CSMD1: variants seen among roughly 807,000 people sequenced by gnomAD.
The protein encoded by CSMD1 is CUB and Sushi multiple domains 1.
Under a neutral mutation model 417.5 loss-of-function variants are expected in CSMD1, and 213 were observed. That is an observed-to-expected ratio of 0.51 (90% CI 0.46 to 0.57). The LOEUF is 0.57. CSMD1 is among the 20% of genes least tolerant of loss of function. The pLI, the probability that CSMD1 is intolerant of heterozygous loss-of-function variation, is 0.00. For synonymous variants in CSMD1, 2,862 were observed against 1,736.8 expected (o/e 1.65, Z -16.11); for missense variants, 6,923 against 4,529.7 (o/e 1.53, Z -15.17).
At chr8:3,501,670 C>G (rs1796605944) in intron 10 of CSMD1, among the ~76,000 whole-genome samples, 1 of 152,074 alleles carries the variant, frequency 6.6e-6, no homozygotes, top group Admixed American at 6.5e-5. Context: ...AGAAGAAAGG[C>G]CTTTCAAACA....
chr8:3,306,090 C>G (rs540830050), intron 25 of CSMD1, among the ~76,000 whole-genome samples: 38 of 152,038 alleles, frequency 2.5e-4, no homozygotes, highest in African/African-American at 8.2e-4. Context: ...GAGAACCTTT[C>G]TCATGTAGGG....
At chr8:4,633,851 A>C (rs1309314511) in intron 2 of CSMD1, among the ~76,000 whole-genome samples, 1 of 152,110 alleles carries the variant, frequency 6.6e-6, no homozygotes, top group Admixed American at 6.5e-5. Flanking sequence ...ATGAGCCACC[A>C]TGCTTAGCCC....
chr8:3,811,334 A>G (rs2129077176), intron 5 of CSMD1, among the ~76,000 whole-genome samples: 1 of 152,340 alleles, frequency 6.6e-6, no homozygotes, highest in Non-Finnish European at 1.5e-5. Flanking sequence ...TACCTTAATT[A>G]TGGACAATTA....
chr8:4,309,784 G>A (rs983807214), intron 3 of CSMD1, among the ~76,000 whole-genome samples: 1 of 152,006 alleles, frequency 6.6e-6, no homozygotes, highest in Non-Finnish European at 1.5e-5. Flanking sequence ...ATGAAGCATA[G>A]AAACCTCACC....
intron 49 of CSMD1, among the ~76,000 whole-genome samples, chr8:3,063,102 C>T (rs1230990029): frequency 1.3e-5 from 2 of 152,060 alleles, no homozygotes; most frequent in Admixed American, 6.6e-5. Context: ...TAATCAATCT[C>T]GTATCATAAA....
At chr8:4,656,510 C>T (rs1804241569) in intron 1 of CSMD1, among the ~76,000 whole-genome samples, 1 of 151,780 alleles carries the variant, frequency 6.6e-6, no homozygotes, top group South Asian at 2.1e-4. Flanking sequence ...ATCCATCTTG[C>T]AGGGATTCTG....
chr8:3,919,094 C>G (rs934789678), intron 5 of CSMD1, among the ~76,000 whole-genome samples: 15 of 145,686 alleles, frequency 1.0e-4, no homozygotes, highest in Admixed American at 9.3e-4. Context: ...TTTCATTTTG[C>G]AGATTGTTTC....
chr8:4,008,325 A>G (rs1229654814), intron 4 of CSMD1, among the ~76,000 whole-genome samples: 3 of 152,034 alleles, frequency 2.0e-5, no homozygotes, highest in Non-Finnish European at 4.4e-5. Context: ...TAGGTGATCT[A>G]TTAATATAAT....
At chr8:3,286,177 T>G (rs1471230948) in intron 25 of CSMD1, among the ~76,000 whole-genome samples, 4 of 152,204 alleles carry the variant, frequency 2.6e-5, no homozygotes, top group Admixed American at 2.6e-4. Flanking sequence ...TATGGCTGCA[T>G]AGCATTCCAT....
At chr8:4,559,135 C>A (rs1487887844) in intron 2 of CSMD1, among the ~76,000 whole-genome samples, 3 of 152,012 alleles carry the variant, frequency 2.0e-5, no homozygotes, top group Non-Finnish European at 4.4e-5. Flanking sequence ...GCAAATAGGC[C>A]CTTGCTTGGA....
At chr8:3,087,373 G>T in intron 48 of CSMD1, 88 bp from the exon 49 acceptor site, 1 of 1,330,166 alleles carries the variant, frequency 7.5e-7, no homozygotes, top group East Asian at 2.3e-5. Context: ...ATAAATGAAT[G>T]GCTTCTCATT....
chr8:3,515,081 A>G (rs537029953), intron 10 of CSMD1, among the ~76,000 whole-genome samples: 1 of 152,340 alleles, frequency 6.6e-6, no homozygotes, highest in South Asian at 2.1e-4. Context: ...TAATACAGTT[A>G]ATGAACATTT....
intron 2 of CSMD1, among the ~76,000 whole-genome samples, chr8:4,427,394 T>A (rs918886974): frequency 6.6e-6 from 1 of 151,944 alleles, no homozygotes; most frequent in Non-Finnish European, 1.5e-5. Flanking sequence ...TATCAACCCC[T>A]AGGTACCTTG....
In CSMD1 at chr8:4,776,896, G is replaced by C. The variant is rs1273043303; in HGVS notation, c.86-139338C>G. 4.6e-5 allele frequency among the ~76,000 whole-genome samples: 7 copies of C among 152,280 alleles called. No individual in the cohort carries two copies. In the South Asian group the frequency reaches 8.3e-4, roughly 18 times the overall value. ...CTGCTTATCTTCATCTTTAAAAGGAGATCATAACACTTCCACAACGTTACT... is the reference window on the plus strand; with the variant it reads ...CTGCTTATCTTCATCTTTAAAAGGACATCATAACACTTCCACAACGTTACT... On this transcript the variant is annotated intron_variant, in intron 1 of 69. Coordinates refer to ENST00000635120, the MANE Select transcript of CSMD1 (RefSeq NM_033225.6).
chr8:4,598,650 T>A (rs1346294569), intron 2 of CSMD1, among the ~76,000 whole-genome samples: 1 of 152,198 alleles, frequency 6.6e-6, no homozygotes, highest in Non-Finnish European at 1.5e-5. Flanking sequence ...ATGCTAGGAA[T>A]CTAGACACCT....
At chr8:4,275,050 C>T (rs1457411133) in intron 3 of CSMD1, among the ~76,000 whole-genome samples, 1 of 151,958 alleles carries the variant, frequency 6.6e-6, no homozygotes, top group Non-Finnish European at 1.5e-5. Context: ...CTACTTGCTC[C>T]AAGAAATTCT....
chr8:4,807,306 C>A (rs966996849), intron 1 of CSMD1, among the ~76,000 whole-genome samples: 2 of 152,172 alleles, frequency 1.3e-5, no homozygotes, highest in African/African-American at 4.8e-5. Flanking sequence ...TGACAGGCCT[C>A]GGCTAATTTC....
At chr8:3,366,080 G>A (rs1239643559) in intron 20 of CSMD1, among the ~76,000 whole-genome samples, 3 of 152,144 alleles carry the variant, frequency 2.0e-5, no homozygotes, top group Non-Finnish European at 4.4e-5. Flanking sequence ...ATGTGACTGT[G>A]GTACCCAGGG....
intron 47 of CSMD1, among the ~76,000 whole-genome samples, chr8:3,095,228 T>C (rs1815214243): frequency 6.6e-6 from 1 of 152,168 alleles, no homozygotes; most frequent in South Asian, 2.1e-4. Flanking sequence ...GATATATATG[T>C]CTATATATAC....
Sources: allele counts gnomAD v4.1 joint callset (sites outside exome capture counted in the v4.1 genomes callset), GRCh38; gene constraint gnomAD v4.1.1; transcripts MANE v1.5; gene names NCBI Gene and HGNC (gene_info 2026-07-23, HGNC 2026-07-21).